Variants in FKBP5 observed in about 807,000 individuals in gnomAD.
FKBP5 encodes FKBP prolyl isomerase 5, also known as peptidyl-prolyl cis-trans isomerase FKBP5.
In FKBP5, 23 loss-of-function variants were observed where a neutral mutation model predicts 50.5. The ratio of observed to expected loss-of-function variants is 0.46; its 90% confidence interval spans 0.33 to 0.65. The LOEUF (loss-of-function observed/expected upper bound fraction) is 0.65, where lower values mean the gene tolerates loss of function less well. Ranked by LOEUF, FKBP5 falls within the 30% of genes least tolerant of loss-of-function variation. FKBP5 has a pLI of 0.02. For missense variants in FKBP5, 411 were observed against 553.1 expected (o/e 0.74, Z 2.58); for synonymous variants, 176 against 190.6 (o/e 0.92, Z 0.63).
intron 1 of FKBP5, among the ~76,000 whole-genome samples, chr6:35,655,159 A>G (rs975409065): frequency 2.0e-5 from 3 of 152,186 alleles, no homozygotes; most frequent in Admixed American, 6.5e-5. Context: ...CCATGTCTAA[A>G]AAGAAACAGA....
At chr6:35,711,504 G>C (rs1032619224) in intron 2 of FKBP5, among the ~76,000 whole-genome samples, 2 of 151,970 alleles carry the variant, frequency 1.3e-5, no homozygotes, top group African/African-American at 4.8e-5. Context: ...TGTAATCCCA[G>C]CTACTCAGGA....
chr6:35,644,273 C>T (rs1328074061), intron 1 of FKBP5, among the ~76,000 whole-genome samples: 1 of 152,142 alleles, frequency 6.6e-6, no homozygotes, highest in East Asian at 1.9e-4. Context: ...CAGGGAAAAT[C>T]AAGAAGGAAT....
At chr6:35,696,642 T>G (rs1010802021) in intron 2 of FKBP5, among the ~76,000 whole-genome samples, 1 of 152,220 alleles carries the variant, frequency 6.6e-6, no homozygotes, top group Non-Finnish European at 1.5e-5. Context: ...ATTGATCTTT[T>G]GATATAATGC....
intron 2 of FKBP5, among the ~76,000 whole-genome samples, chr6:35,701,670 C>T (rs1313072994): frequency 1.3e-5 from 2 of 151,702 alleles, no homozygotes; most frequent in Non-Finnish European, 2.9e-5. Context: ...CTCCTGAGTA[C>T]CTGGGACTAC....
chr6:35,701,828 A>C (rs1334974995), intron 2 of FKBP5, among the ~76,000 whole-genome samples: 2 of 150,234 alleles, frequency 1.3e-5, no homozygotes, highest in Admixed American at 6.6e-5. Context: ...GGTGTGAGCC[A>C]CCACACCTGG....
chr6:35,636,902 A>C, intron 3 of FKBP5, 112 bp downstream of exon 3: 1 of 939,636 alleles, frequency 1.1e-6, no homozygotes, highest in Non-Finnish European at 1.5e-6. Flanking sequence ...TTCTTTGAGT[A>C]CTACTACTCT....
intron 5 of FKBP5, among the ~76,000 whole-genome samples, chr6:35,614,350 C>T (rs1321003209): frequency 6.6e-6 from 1 of 152,180 alleles, no homozygotes; most frequent in Non-Finnish European, 1.5e-5. Flanking sequence ...GGGGAAATGA[C>T]ACTTTTGAGT....
intron 2 of FKBP5, among the ~76,000 whole-genome samples, chr6:35,707,001 T>C (rs763423824): frequency 1.1e-4 from 17 of 152,158 alleles, no homozygotes; most frequent in Non-Finnish European, 1.8e-4. Context: ...AAAAATCTTA[T>C]ATGTATAGTT....
At chr6:35,606,552 C>T (rs561548182) in intron 5 of FKBP5, among the ~76,000 whole-genome samples, 4 of 148,924 alleles carry the variant, frequency 2.7e-5, no homozygotes, top group East Asian at 2.0e-4. Context: ...CCCAGCTACT[C>T]GGGAGGCTGA....
At chr6:35,710,158 G>A (rs942334124) in intron 2 of FKBP5, among the ~76,000 whole-genome samples, 3 of 152,140 alleles carry the variant, frequency 2.0e-5, no homozygotes, top group South Asian at 2.1e-4. Flanking sequence ...GTGCTTCAGC[G>A]AGAGATCCTC....
chr6:35,721,276 C>T (rs867242890), intron 1 of FKBP5, among the ~76,000 whole-genome samples: 7 of 151,660 alleles, frequency 4.6e-5, no homozygotes, highest in African/African-American at 1.5e-4. Context: ...TGCTTGAACT[C>T]GAGAGGTGGA....
chr6:35,712,329 T>A (rs6909804), intron 2 of FKBP5, among the ~76,000 whole-genome samples: 109,468 of 151,784 alleles, frequency 0.72, 39,519 homozygotes, highest in African/African-American at 0.77. Flanking sequence ...TGCCACAGAG[T>A]TGTTTGTTTG....
intron 5 of FKBP5, among the ~76,000 whole-genome samples, chr6:35,602,735 T>C (rs1763183028): frequency 6.6e-6 from 1 of 152,098 alleles, no homozygotes; most frequent in African/African-American, 2.4e-5. Context: ...TTTGTACTAC[T>C]TAGGATGAAC....
chr6:35,588,578 C>CT (rs1303909705), intron 7 of FKBP5, among the ~76,000 whole-genome samples: 4 of 151,064 alleles, frequency 2.6e-5, no homozygotes, highest in African/African-American at 9.8e-5. Flanking sequence ...GTTGTCTTTT[C>CT]TTTTTTTGAG....
chr6:35,637,767 C>G (rs1449929018), intron 2 of FKBP5, among the ~76,000 whole-genome samples: 1 of 152,130 alleles, frequency 6.6e-6, no homozygotes, highest in Non-Finnish European at 1.5e-5. Flanking sequence ...CGACACTAAA[C>G]TCTCTAACAC....
rs1427010607 is a variant in FKBP5, at chr6:35,589,128, A to ATATTT, written c.756+2001_756+2002insAAATA. ...TATATTTTTATATATATATATATAT[A>ATATTT]TTTTTTTTTTTTTCCTCTGAGACGG... On this transcript the variant is annotated intron_variant, in intron 7 of 10. Transcript: ENST00000357266. Among the ~76,000 whole-genome samples, 1,018 of 121,526 alleles carry ATATTT rather than the reference A, an allele frequency of 8.4e-3. 18 individuals carry two copies. Among genetic ancestry groups the ATATTT allele is most frequent in the Middle Eastern group, 0.018 (4 of 226 alleles). 79.7% of individuals were successfully genotyped at this position (121,526 alleles called of 152,430 possible). A position where few individuals can be genotyped will look rare whatever the true frequency, so the allele number is the denominator to read the frequency against.
chr6:35,595,231 A>C (rs550426097), intron 6 of FKBP5, among the ~76,000 whole-genome samples: 61 of 152,216 alleles, frequency 4.0e-4, no homozygotes, highest in Non-Finnish European at 8.2e-4. Context: ...TTTAAAGACA[A>C]TTTCTATTTT....
chr6:35,623,183 G>A (rs973451948), intron 3 of FKBP5, among the ~76,000 whole-genome samples: 6 of 152,276 alleles, frequency 3.9e-5, no homozygotes, highest in East Asian at 1.9e-4. Context: ...AGGAGCTTTC[G>A]GTGAGCCGAG....
chr6:35,643,856 C>T (rs1764559542), intron 1 of FKBP5, among the ~76,000 whole-genome samples: 1 of 152,128 alleles, frequency 6.6e-6, no homozygotes, highest in African/African-American at 2.4e-5. Flanking sequence ...TTAAAAGATC[C>T]TTCAGAGCAA....
Sources: gnomAD v4.1 joint callset for allele counts (sites outside exome capture counted in the v4.1 genomes callset) on GRCh38, gnomAD v4.1.1 for gene constraint, MANE v1.5 for transcripts, NCBI Gene and HGNC (gene_info 2026-07-23, HGNC 2026-07-21) for gene names.